The following RASAL1 variants were observed in gnomAD, a reference collection of about 807,000 sequenced individuals.
RASAL1 encodes the protein rasGAP-activating-like protein 1.
RASAL1 carries 72 observed loss-of-function variants against 96.6 expected under a neutral mutation model. That is an observed-to-expected ratio of 0.75 (90% CI 0.62 to 0.91). RASAL1 has a LOEUF of 0.91. RASAL1 is among the 40% of genes least tolerant of loss of function. RASAL1 has a pLI of 0.00. For missense variants in RASAL1, 1,016 were observed against 1,072.5 expected, an observed-to-expected ratio of 0.95 and a Z score of 0.74; for synonymous variants, 405 against 430.4, an observed-to-expected ratio of 0.94 and a Z score of 0.73.
chr12:113,134,046 C>T (rs1240217115), intron 1 of RASAL1, among the ~76,000 whole-genome samples: 1 of 152,192 alleles, frequency 6.6e-6, no homozygotes, highest in Non-Finnish European at 1.5e-5. Context: ...CTCCTTTCAC[C>T]ACCTAGCAGC....
chr12:113,102,535 G>A (rs1229482444), intron 18 of RASAL1, among the ~76,000 whole-genome samples: 1 of 152,176 alleles, frequency 6.6e-6, no homozygotes, highest in Non-Finnish European at 1.5e-5. Flanking sequence ...TCTAGCCTGG[G>A]CAAAAGGGTG....
chr12:113,122,874 C>T (rs1274023276), intron 4 of RASAL1, among the ~76,000 whole-genome samples: 1 of 152,148 alleles, frequency 6.6e-6, no homozygotes, highest in Non-Finnish European at 1.5e-5. Flanking sequence ...TCTGGAACTC[C>T]AATTAAATAA....
chr12:113,133,771 G>C (rs1413250154), intron 1 of RASAL1, among the ~76,000 whole-genome samples: 1 of 152,210 alleles, frequency 6.6e-6, no homozygotes, highest in African/African-American at 2.4e-5. Flanking sequence ...CCCCCTGCCA[G>C]CTGGGGCTAA....
At chr12:113,116,977 T>C (rs1304158004) in intron 8 of RASAL1, 96 bp downstream of exon 8, 2 of 930,834 alleles carry the variant, frequency 2.1e-6, no homozygotes, top group Non-Finnish European at 3.2e-6. Flanking sequence ...AGTGGCATAG[T>C]GATAATGTGT....
At chr12:113,106,267 C>A (rs1409630710) in intron 15 of RASAL1, among the ~76,000 whole-genome samples, 2 of 152,132 alleles carry the variant, frequency 1.3e-5, no homozygotes, top group Non-Finnish European at 2.9e-5. Context: ...CCCCACCATG[C>A]CACAGCCAGG....
chr12:113,125,977 TTA>T (rs1454635916), intron 4 of RASAL1, among the ~76,000 whole-genome samples: 4 of 152,180 alleles, frequency 2.6e-5, no homozygotes, highest in Non-Finnish European at 5.9e-5. Context: ...TCAGAGATAC[TTA>T]GTGAAGTGAA....
At chr12:113,101,786 C>T in intron 19 of RASAL1, 103 bp downstream of exon 19, 2 of 1,429,030 alleles carry the variant, frequency 1.4e-6, no homozygotes, top group Non-Finnish European at 1.9e-6. Context: ...GAATATCCAC[C>T]AACACACATG....
At position 113,115,045 on chromosome 12, in the gene RASAL1, G is replaced by A. The variant is rs1230575640; in HGVS notation, c.1069-133C>T. On this transcript the variant is annotated intron_variant, in intron 11 of 20. Coordinates refer to ENST00000548055, the MANE Select transcript of RASAL1 (RefSeq NM_001301202.2). This position sits in a 1 kb window ranked among gnomAD's most constrained non-coding sequence, Gnocchi z 4.1. The stretch of plus-strand genomic sequence containing the variant: ...GGGCTGGGGTAGGGGACACATCCAG[G>A]TGCAACTCAGGGCAAGGCCGGGCAC... 11 of 1,070,208 alleles carry A rather than the reference G, an allele frequency of 1.0e-5. No individual in the cohort carries two copies. Among genetic ancestry groups the A allele is most frequent in the Non-Finnish European group, 1.4e-5 (10 of 697,886 alleles). The allele number at this position is 1,070,208 out of a possible 1,614,324, so 66.3% of individuals were successfully genotyped here.
At chr12:113,121,151 C>A (rs1219927985) in intron 5 of RASAL1, among the ~76,000 whole-genome samples, 1 of 152,186 alleles carries the variant, frequency 6.6e-6, no homozygotes, top group Non-Finnish European at 1.5e-5. Context: ...CTGGACCCAG[C>A]CATGCCTGAA....
chr12:113,108,567 T>C (rs1324947391), intron 13 of RASAL1, among the ~76,000 whole-genome samples: 2 of 152,192 alleles, frequency 1.3e-5, no homozygotes, highest in Admixed American at 1.3e-4. Context: ...CATCAAGCGA[T>C]TTGCCCAGGG....
intron 11 of RASAL1, 80 bp from the exon 12 acceptor site, chr12:113,114,992 A>G (rs1592921670): frequency 1.1e-5 from 13 of 1,231,466 alleles, no homozygotes; most frequent in African/African-American, 1.5e-5. Context: ...AGGGGGGACC[A>G]TGCAGGAAGA....
chr12:113,104,878 G>A (rs1054818883), intron 16 of RASAL1, among the ~76,000 whole-genome samples: 18 of 152,326 alleles, frequency 1.2e-4, no homozygotes, highest in South Asian at 6.2e-4. Context: ...TACTTGGGAC[G>A]CGATTCCAAG....
rs1250525886 is a variant in RASAL1 at position 113,128,905 on chromosome 12, CACTT to C, written c.123-731_123-728del. Among the ~76,000 whole-genome samples the C allele has an allele frequency of 2.3e-4, 35 of 151,940 alleles. 1 individual carries two copies. The highest frequency in any genetic ancestry group is 4.9e-4 in the Non-Finnish European group (33 of 67,986). Reference sequence around the variant, plus strand: ...AGAGATCCAGAGACACACTCTCACACACTTACAATGATACAAGGCAGGTACACAT... The same window carrying C: ...AGAGATCCAGAGACACACTCTCACACACAATGATACAAGGCAGGTACACAT... On this transcript the variant is annotated intron_variant, in intron 2 of 20. Coordinates refer to ENST00000548055, the MANE Select transcript of RASAL1 (RefSeq NM_001301202.2).
Position 113,099,837 on chromosome 12 carries a change from G to T in RASAL1, c.*92C>A. 6.6e-7 allele frequency: 1 copy of T among 1,503,884 alleles called. No homozygotes were observed. Among genetic ancestry groups the T allele is most frequent in the South Asian group, 1.3e-5 (1 of 76,024 alleles). The allele number at this position is 1,503,884 out of a possible 1,614,324, so 93.2% of individuals were successfully genotyped here. On this transcript the variant is annotated 3_prime_UTR_variant, in exon 21 of 21. Transcript: ENST00000548055. Reference sequence around the variant, plus strand: ...AGCCTCCAAACCACAGAATCAAAGAGGTCCAAGGAGACAGGAGACTCCCGG... The same window carrying T: ...AGCCTCCAAACCACAGAATCAAAGATGTCCAAGGAGACAGGAGACTCCCGG...
At position 113,135,515 on chromosome 12, in the gene RASAL1, G is replaced by A; in HGVS notation, c.-53C>T. 4.7e-6 allele frequency: 7 copies of A among 1,474,446 alleles called. No homozygotes were observed. Among genetic ancestry groups the A allele is most frequent in the Non-Finnish European group, 6.5e-6 (7 of 1,076,368 alleles). The allele number at this position is 1,474,446 out of a possible 1,614,324, so 91.3% of individuals were successfully genotyped here. A position where few individuals can be genotyped will look rare whatever the true frequency, so the allele number is the denominator to read the frequency against. ...GAAGGGCGCTCAGGTTCCGAGGCTG[G>A]ACCAGGGGACGTCTACATGTCACCT... On this transcript the variant is annotated 5_prime_UTR_variant, in exon 1 of 21. Transcript: ENST00000548055. The surrounding 1 kb of genome is among the most constrained non-coding windows in gnomAD (Gnocchi z 5.7).
chr12:113,135,365 C>A lies in RASAL1; in HGVS notation c.65+33G>T, dbSNP rs1299948559. 1.3e-6 allele frequency: 2 copies of A among 1,592,780 alleles called. No homozygotes were observed. The highest frequency in any genetic ancestry group is 1.7e-6 in the Non-Finnish European group (2 of 1,170,404). ...TCGGCCCCACCCCAGGCCTTGCGCG[C>A]CCCTCACCCAGAAGCGCCCGAGGAG... On this transcript the variant is annotated intron_variant, in intron 1 of 20. Transcript: ENST00000548055. This position sits in a 1 kb window ranked among gnomAD's most constrained non-coding sequence, Gnocchi z 5.7.
intron 13 of RASAL1, among the ~76,000 whole-genome samples, 167 bp from the exon 14 acceptor site, chr12:113,108,389 G>A (rs188898304): frequency 1.3e-4 from 20 of 152,346 alleles, no homozygotes; most frequent in Admixed American, 3.3e-4. Context: ...CTGGGCCTCA[G>A]TTTTCTCACC....
chr12:113,126,375 A>G (rs1285512892), intron 4 of RASAL1, among the ~76,000 whole-genome samples: 2 of 151,952 alleles, frequency 1.3e-5, no homozygotes, highest in Non-Finnish European at 2.9e-5. Context: ...GCACAGAAAA[A>G]CACAGTATTA....
In RASAL1 at chr12:113,107,255, G is replaced by A; in HGVS notation, c.1513-14C>T. 6.3e-7 allele frequency: 1 copy of A among 1,580,096 alleles called. No individual in the cohort carries two copies. Among genetic ancestry groups the A allele is most frequent in the Non-Finnish European group, 8.6e-7 (1 of 1,161,956 alleles). On this transcript the variant is annotated splice_polypyrimidine_tract_variant and intron_variant, in intron 14 of 20. Transcript: ENST00000548055. ...GCTCTGCACAGCCTGGAGCAAAGAA[G>A]CGAGGGATGCCGGGGCCAAGGTCAC...
Sources: allele counts gnomAD v4.1 joint callset (sites outside exome capture counted in the v4.1 genomes callset), GRCh38; gene constraint gnomAD v4.1.1; non-coding constraint Gnocchi (gnomAD v3.1); transcripts MANE v1.5; gene names NCBI Gene and HGNC (gene_info 2026-07-23, HGNC 2026-07-21).